The following NEO1 variants were observed in gnomAD, a reference collection of about 807,000 sequenced individuals.
The protein encoded by NEO1 is neogenin.
A neutral mutation model predicts 159.7 loss-of-function variants in NEO1; 63 were observed. The ratio of observed to expected loss-of-function variants is 0.39; its 90% CI spans 0.32 to 0.49. The LOEUF is 0.49. Ranked by LOEUF, NEO1 falls within the 20% of genes least tolerant of loss-of-function variation. NEO1 has a pLI of 0.85. For synonymous variants in NEO1, 633 were observed against 662.0 expected (o/e 0.96, Z 0.67); for missense variants, 1,615 against 1,831.0 (o/e 0.88, Z 2.15).
intron 1 of NEO1, among the ~76,000 whole-genome samples, chr15:73,072,372 C>G (rs886869083): frequency 2.6e-5 from 4 of 152,026 alleles, no homozygotes; most frequent in Admixed American, 2.0e-4. Context: ...GCTTTATTAA[C>G]TGACTCAACT....
chr15:73,198,183 C>T (rs1228610438), intron 7 of NEO1, among the ~76,000 whole-genome samples: 2 of 151,882 alleles, frequency 1.3e-5, no homozygotes, highest in African/African-American at 4.8e-5. Flanking sequence ...TTTTTTCTAG[C>T]AGCACTCAGG....
Position 73,288,960 on chromosome 15 carries a change from A to G in NEO1, c.3650-186A>G. On this transcript the variant is annotated intron_variant, in intron 24 of 28. Transcript: ENST00000261908. ...GGGCAGCATTGTGACATCCACATTG[A>G]TTCAGCAGGAACTCTTGTAATGCTC... 3 of 592,092 alleles carry G rather than the reference A, an allele frequency of 5.1e-6. No homozygotes were observed. In the East Asian group the frequency reaches 8.5e-5, roughly 17 times the overall value. The allele number at this position is 592,092 out of a possible 1,614,324, so 36.7% of individuals were successfully genotyped here.
At chr15:73,053,024 G>A (rs1293629954) in intron 1 of NEO1, among the ~76,000 whole-genome samples, 5 of 151,918 alleles carry the variant, frequency 3.3e-5, no homozygotes, top group Non-Finnish European at 7.4e-5. Flanking sequence ...GGCAGGTCGG[G>A]GGCGCAGGGG....
At chr15:73,192,995 T>C (rs775107018) in intron 7 of NEO1, among the ~76,000 whole-genome samples, 1 of 152,066 alleles carries the variant, frequency 6.6e-6, no homozygotes, top group Non-Finnish European at 1.5e-5. Context: ...AAGGTAGTTA[T>C]AAACTTTTTG....
chr15:73,126,606 T>C, intron 4 of NEO1, 36 bp downstream of exon 4: 1 of 1,592,732 alleles, frequency 6.3e-7, no homozygotes. Flanking sequence ...TCTTCAGCCT[T>C]AGCTTGAGAC....
intron 3 of NEO1, among the ~76,000 whole-genome samples, chr15:73,123,500 G>GA (rs1029588625): frequency 6.6e-6 from 1 of 152,156 alleles, no homozygotes; most frequent in Non-Finnish European, 1.5e-5. Context: ...TGGCTCTAGA[G>GA]ACAATGGCAG....
At chr15:73,097,860 A>G (rs1171981635) in intron 1 of NEO1, among the ~76,000 whole-genome samples, 1 of 139,390 alleles carries the variant, frequency 7.2e-6, no homozygotes, top group African/African-American at 2.8e-5. Context: ...GAAAGTGCTC[A>G]TTGCCACTGG....
At chr15:73,187,286 C>G (rs1396781787) in intron 7 of NEO1, among the ~76,000 whole-genome samples, 1 of 152,094 alleles carries the variant, frequency 6.6e-6, no homozygotes, top group Non-Finnish European at 1.5e-5. Flanking sequence ...TTTAACAGTT[C>G]CTTTTTGGAG....
At chr15:73,284,848 A>G (rs2041881385) in intron 23 of NEO1, among the ~76,000 whole-genome samples, 1 of 152,086 alleles carries the variant, frequency 6.6e-6, no homozygotes, top group African/African-American at 2.4e-5. Flanking sequence ...TCGGCTTCCC[A>G]AAGTGCTGGG....
chr15:73,226,135 C>A (rs1160028316), intron 7 of NEO1, among the ~76,000 whole-genome samples: 1 of 152,200 alleles, frequency 6.6e-6, no homozygotes, highest in Non-Finnish European at 1.5e-5. Flanking sequence ...ACTTGGGGCA[C>A]TCACAGTATT....
intron 4 of NEO1, 32 bp from the exon 5 acceptor site, chr15:73,135,859 G>C: frequency 7.7e-7 from 1 of 1,301,534 alleles, no homozygotes; most frequent in Non-Finnish European, 1.0e-6. Context: ...GTACTGAAAT[G>C]TATCTTTTTT....
chr15:73,270,033 G>A lies in NEO1; in HGVS notation c.2518G>A (p.Val840Ile). Residue 840 changes from valine (V) to isoleucine (I), a missense_variant, in exon 17 of 29, where the codon GTT (valine) becomes ATT (isoleucine). Physicochemically the swap from Val to Ile is conservative, Grantham distance 29. This residue lies in a region of NEO1 where 1,018 missense variants were observed against 1,115.4 expected (regional missense o/e 0.91). Transcript: ENST00000261908. Reference protein sequence around the residue: ...HTDTSEVDLFVINAPYTPVPD... With the variant: ...HTDTSEVDLFIINAPYTPVPD... ...AGACACTTCTGAAGTTGATTTATTT[G>A]TTATTAATGCTCCATACACTCCAGT... The A allele has an allele frequency of 6.2e-7, 1 of 1,613,726 alleles. No individual in the cohort carries two copies. The highest frequency in any genetic ancestry group is 8.5e-7 in the Non-Finnish European group (1 of 1,179,866).
intron 7 of NEO1, among the ~76,000 whole-genome samples, chr15:73,215,127 T>G (rs2037800730): frequency 6.6e-6 from 1 of 152,348 alleles, no homozygotes; most frequent in Non-Finnish European, 1.5e-5. Flanking sequence ...ACATTAATCT[T>G]GTATCCAGAA....
intron 7 of NEO1, among the ~76,000 whole-genome samples, chr15:73,203,693 A>G (rs2037044771): frequency 6.6e-6 from 1 of 152,076 alleles, no homozygotes; most frequent in African/African-American, 2.4e-5. Context: ...CTAGGTTCTT[A>G]AGACAACACT....
At chr15:73,171,929 C>T (rs2035000136) in intron 5 of NEO1, among the ~76,000 whole-genome samples, 2 of 152,074 alleles carry the variant, frequency 1.3e-5, no homozygotes, top group African/African-American at 2.4e-5. Context: ...GCGTGAGCCA[C>T]CATGCCCGGC....
intron 16 of NEO1, 25 bp from the exon 17 acceptor site, chr15:73,269,985 C>T (rs754625966): frequency 6.4e-7 from 1 of 1,566,616 alleles, no homozygotes; most frequent in South Asian, 1.1e-5. Flanking sequence ...ATGCCACTTC[C>T]CTTTTTAAAT....
intron 1 of NEO1, among the ~76,000 whole-genome samples, chr15:73,061,120 A>C (rs1458943671): frequency 6.6e-6 from 1 of 152,202 alleles, no homozygotes; most frequent in African/African-American, 2.4e-5. Flanking sequence ...GGCAGTTCTA[A>C]CAAACAGTAT....
At chr15:73,198,604 C>G (rs1166610216) in intron 7 of NEO1, among the ~76,000 whole-genome samples, 1 of 151,638 alleles carries the variant, frequency 6.6e-6, no homozygotes, top group Non-Finnish European at 1.5e-5. Context: ...TCTTTAAAGA[C>G]TTGTATCTGT....
chr15:73,267,392 T>C (rs2040959549), intron 16 of NEO1, among the ~76,000 whole-genome samples: 1 of 152,152 alleles, frequency 6.6e-6, no homozygotes, highest in African/African-American at 2.4e-5. Context: ...AAATTTTTTT[T>C]CTTTTTTTTA....
Sources: gnomAD v4.1 joint callset for allele counts (sites outside exome capture counted in the v4.1 genomes callset) on GRCh38, gnomAD v4.1.1 for gene constraint, gnomAD v4.1.1 regional missense constraint, MANE v1.5 for transcripts, NCBI Gene and HGNC (gene_info 2026-07-23, HGNC 2026-07-21) for gene names.